Variants in PCDHGB2 observed in about 807,000 individuals in gnomAD.
PCDHGB2 encodes protocadherin gamma subfamily B, 2.
A neutral mutation model predicts 59.3 loss-of-function variants in PCDHGB2; 55 were observed. The observed-to-expected ratio is 0.93, with a 90% CI of 0.75 to 1.16. PCDHGB2 has a LOEUF of 1.16. Ranked by LOEUF, PCDHGB2 falls within the 50% of genes most tolerant of loss-of-function variation. The pLI, the probability that PCDHGB2 is intolerant of heterozygous loss-of-function variation, is 0.00. For missense variants in PCDHGB2, 1,228 were observed against 1,198.5 expected, an observed-to-expected ratio of 1.02 and a Z score of -0.36; for synonymous variants, 516 against 512.0, an observed-to-expected ratio of 1.01 and a Z score of -0.11.
chr5:141,420,080 C>G, intron 1 of PCDHGB2: 2 of 1,614,010 alleles, frequency 1.2e-6, no homozygotes, highest in African/African-American at 1.3e-5. Flanking sequence ...TGTGGGTCCC[C>G]CCAACTACAG....
Position 141,403,041 on chromosome 5 carries a change from A to G in PCDHGB2, c.2421+40485A>G, listed in dbSNP as rs202099773. Reference sequence around the variant, plus strand: ...ATGCTATGGGAGGCCAGGGCCAGTCAGATTCGCTACTCAGTGCCTGAAGAG... The same window carrying G: ...ATGCTATGGGAGGCCAGGGCCAGTCGGATTCGCTACTCAGTGCCTGAAGAG... On this transcript the variant is annotated intron_variant, in intron 1 of 3. Transcript: ENST00000522605. 7.2e-5 allele frequency: 116 copies of G among 1,613,966 alleles called. No homozygotes were observed. Among genetic ancestry groups the G allele is most frequent in the Non-Finnish European group, 9.6e-5 (113 of 1,179,918 alleles).
At chr5:141,375,501 C>T in intron 1 of PCDHGB2, 1 of 1,614,040 alleles carries the variant, frequency 6.2e-7, no homozygotes, top group Non-Finnish European at 8.5e-7. Flanking sequence ...TCCATCTTCT[C>T]TGTGAATGCA....
At chr5:141,371,456 A>G (rs755481962) in intron 1 of PCDHGB2, 2 of 1,614,020 alleles carry the variant, frequency 1.2e-6, no homozygotes, top group South Asian at 1.1e-5. Context: ...CTGAATCCCA[A>G]CATATACAAG....
Position 141,487,856 on chromosome 5 carries a change from T to C in PCDHGB2, c.2422-6951T>C. The C allele has an allele frequency of 2.0e-6, 2 of 977,364 alleles. No homozygotes were observed. The highest frequency in any genetic ancestry group is 3.0e-6 in the Non-Finnish European group (2 of 671,858). 60.5% of individuals were successfully genotyped at this position (977,364 alleles called of 1,614,324 possible). A position where few individuals can be genotyped will look rare whatever the true frequency, so the allele number is the denominator to read the frequency against. Reference sequence around the variant, plus strand: ...ATATCTGAGTAAGAAATGAAAGTAATTGGTGATCAAGAGCCAGGCTGTTGT... The same window carrying C: ...ATATCTGAGTAAGAAATGAAAGTAACTGGTGATCAAGAGCCAGGCTGTTGT... On this transcript the variant is annotated intron_variant, in intron 1 of 3. Transcript: ENST00000522605. The surrounding 1 kb of genome is among the most constrained non-coding windows in gnomAD (Gnocchi z 5.0).
At chr5:141,393,228 G>C (rs753113857) in intron 1 of PCDHGB2, 2 of 1,613,720 alleles carry the variant, frequency 1.2e-6, no homozygotes, top group East Asian at 2.2e-5. Context: ...CGAAGATCTA[G>C]AAGTAAAAAT....
chr5:141,502,518 T>C (rs1388007900), intron 2 of PCDHGB2, among the ~76,000 whole-genome samples: 1 of 152,184 alleles, frequency 6.6e-6, no homozygotes, highest in Non-Finnish European at 1.5e-5. Flanking sequence ...CCACTATCAG[T>C]GATGCCGAGT....
Position 141,486,817 on chromosome 5 carries a change from T to A in PCDHGB2, c.2422-7990T>A, listed in dbSNP as rs143638501. On this transcript the variant is annotated intron_variant, in intron 1 of 3. Transcript: ENST00000522605. The surrounding 1 kb of genome is among the most constrained non-coding windows in gnomAD (Gnocchi z 5.0). ...GGGGCAACCCACCCCTTAGCAGCAC[T>A]GTAACAGTTCGTCTATTTGTGCTGG... 1 of 1,614,102 alleles carries A rather than the reference T, an allele frequency of 6.2e-7. No homozygotes were observed. Among genetic ancestry groups the A allele is most frequent in the East Asian group, 2.2e-5 (1 of 44,898 alleles).
chr5:141,501,500 C>G (rs1385290676), intron 2 of PCDHGB2, among the ~76,000 whole-genome samples: 1 of 151,934 alleles, frequency 6.6e-6, no homozygotes, highest in Non-Finnish European at 1.5e-5. Context: ...GCTGCTGGGG[C>G]TCCAAGGCCT....
rs944974638 is a variant in PCDHGB2, at chr5:141,393,886, A to C, written c.2421+31330A>C. 3.7e-6 allele frequency: 6 copies of C among 1,614,034 alleles called. No individual in the cohort carries two copies. In the East Asian group the frequency reaches 1.3e-4, roughly 36 times the overall value. On this transcript the variant is annotated intron_variant, in intron 1 of 3. Coordinates refer to ENST00000522605, the MANE Select transcript of PCDHGB2 (RefSeq NM_018923.3). ...ACGTCTTTGTTTAGCCCAGTGTTAG[A>C]AAATTCTCTTCCCGGGACAGTAATT...
At chr5:141,455,389 G>C (rs1190144149) in intron 1 of PCDHGB2, among the ~76,000 whole-genome samples, 1 of 152,114 alleles carries the variant, frequency 6.6e-6, no homozygotes, top group Non-Finnish European at 1.5e-5. Flanking sequence ...GAAGGAAGGA[G>C]CTCCCCCTTA....
At chr5:141,433,257 G>A (rs764036349) in intron 1 of PCDHGB2, 4 of 1,385,412 alleles carry the variant, frequency 2.9e-6, no homozygotes, top group Non-Finnish European at 4.0e-6. Context: ...GCAGCGGTAC[G>A]ATCATAGCTC....
At chr5:141,420,965 TA>T (rs1468739825) in intron 1 of PCDHGB2, 6 of 433,892 alleles carry the variant, frequency 1.4e-5, no homozygotes, top group African/African-American at 1.0e-4. Flanking sequence ...GTCGTTGCAA[TA>T]ATAAGAATGG....
In PCDHGB2 at chr5:141,393,242, C is replaced by T. The variant is rs151037104; in HGVS notation, c.2421+30686C>T. 1,015 of 1,613,778 alleles carry T rather than the reference C, an allele frequency of 6.3e-4. 8 individuals carry two copies. The African/African-American group carries it at 0.012, about 18-fold the overall frequency. ...TCGAAGATCTAGAAGTAAAAATTAA[C>T]GAAATCGCGGTTCCTGGAGCACGTT... is the stretch of plus-strand genomic sequence containing the variant. On this transcript the variant is annotated intron_variant, in intron 1 of 3. Coordinates refer to ENST00000522605, the MANE Select transcript of PCDHGB2 (RefSeq NM_018923.3).
intron 1 of PCDHGB2, chr5:141,430,707 CT>C: frequency 6.8e-7 from 1 of 1,478,562 alleles, no homozygotes; most frequent in Non-Finnish European, 9.0e-7. Context: ...GGAACTGCTC[CT>C]GACTTCAGTG....
chr5:141,394,850 G>C, intron 1 of PCDHGB2: 1 of 1,613,820 alleles, frequency 6.2e-7, no homozygotes, highest in Non-Finnish European at 8.5e-7. Flanking sequence ...GCAGTCTGAA[G>C]CCTTCGGTCG....
intron 1 of PCDHGB2, chr5:141,411,445 G>A (rs926329934): frequency 1.3e-5 from 2 of 151,656 alleles, no homozygotes; most frequent in South Asian, 2.1e-4. Flanking sequence ...TTAGCAGAGT[G>A]TGGTAGCATT....
chr5:141,454,832 G>A (rs1311246854), intron 1 of PCDHGB2, among the ~76,000 whole-genome samples: 2 of 75,830 alleles, frequency 2.6e-5, no homozygotes, highest in African/African-American at 1.3e-4. Context: ...TTTTGAGACA[G>A]AGTCGCGCTC....
At chr5:141,407,497 G>GTTTTTTTTTTTTTTTTTTTTTTT (rs1554102286) in intron 1 of PCDHGB2, among the ~76,000 whole-genome samples, 2 of 152,088 alleles carry the variant, frequency 1.3e-5, no homozygotes, top group African/African-American at 4.8e-5. Context: ...CTTTATTTCT[G>GTTTTTTTTTTTTTTTTTTTTTTT]TTTTTCTTAG....
intron 1 of PCDHGB2, among the ~76,000 whole-genome samples, chr5:141,480,098 T>C (rs1415853757): frequency 6.6e-6 from 1 of 152,168 alleles, no homozygotes. Context: ...GTATGCAAAG[T>C]GTTTAGCATG....
Sources: gnomAD v4.1 joint callset for allele counts (sites outside exome capture counted in the v4.1 genomes callset) on GRCh38, gnomAD v4.1.1 for gene constraint, Gnocchi (gnomAD v3.1) non-coding constraint, MANE v1.5 for transcripts, NCBI Gene and HGNC (gene_info 2026-07-23, HGNC 2026-07-21) for gene names.